MAP2K2: variants seen among roughly 807,000 people sequenced by gnomAD.
The protein encoded by MAP2K2 is dual specificity mitogen-activated protein kinase kinase 2.
In MAP2K2, 24 loss-of-function variants were observed where a neutral mutation model predicts 43.7. The ratio of observed to expected loss-of-function variants is 0.55; its 90% CI spans 0.40 to 0.77. The LOEUF (loss-of-function observed/expected upper bound fraction) is 0.77. MAP2K2 is among the 30% of genes least tolerant of loss of function. The pLI is 0.00. For missense variants in MAP2K2, 470 were observed against 566.8 expected (o/e 0.83, Z 1.73); for synonymous variants, 244 against 239.7 (o/e 1.02, Z -0.17).
intron 10 of MAP2K2, among the ~76,000 whole-genome samples, chr19:4,091,978 G>A (rs1599279075): frequency 6.6e-6 from 1 of 152,192 alleles, no homozygotes; most frequent in East Asian, 1.9e-4. Context: ...AGCCACGTGT[G>A]ACCAGCGGTT....
chr19:4,095,034 A>G (rs764069485), intron 9 of MAP2K2: 11 of 356,094 alleles, frequency 3.1e-5, no homozygotes, highest in Non-Finnish European at 5.3e-5. Flanking sequence ...GGGGCTGGCG[A>G]CCCTCCCAGA....
chr19:4,110,560 G>T lies in MAP2K2; in HGVS notation c.399C>A (p.Phe133Leu). The part of the protein sequence containing the change: ...HECNSPYIVG[F>L]YGAFYSDGEI... ...CCCCGTCACTGTAGAAGGCCCCGTA[G>T]AAGCCCACGATGTACGGCGAGTTGC... The change falls in exon 3 of 11, where the codon TTC (phenylalanine) becomes TTA (leucine). Residue 133 changes from phenylalanine to leucine, a missense_variant. Coordinates refer to ENST00000262948, the MANE Select transcript of MAP2K2 (RefSeq NM_030662.4). 6.2e-7 allele frequency: 1 copy of T among 1,614,032 alleles called. No individual in the cohort carries two copies. Among genetic ancestry groups the T allele is most frequent in the African/African-American group, 1.3e-5 (1 of 75,054 alleles).
intron 1 of MAP2K2, among the ~76,000 whole-genome samples, chr19:4,121,992 T>G (rs1197420095): frequency 6.5e-5 from 5 of 76,526 alleles, no homozygotes; most frequent in Non-Finnish European, 1.1e-4. Flanking sequence ...TCCTCTCCCC[T>G]AAGGGACCCC....
At chr19:4,097,205 T>TTA (rs757553952) in intron 8 of MAP2K2, 74 bp downstream of exon 8, 4 of 572,886 alleles carry the variant, frequency 7.0e-6, no homozygotes, top group Admixed American at 3.9e-5. Flanking sequence ...AGACTCTGCC[T>TTA]AAAAAAAAAA....
intron 2 of MAP2K2, among the ~76,000 whole-genome samples, chr19:4,111,275 A>T (rs2041150748): frequency 6.6e-6 from 1 of 152,234 alleles, no homozygotes; most frequent in South Asian, 2.1e-4. Flanking sequence ...GGACACTGTA[A>T]GGTATGTGAA....
chr19:4,110,431 G>A (rs1255205437), intron 3 of MAP2K2, 78 bp downstream of exon 3: 21 of 1,573,558 alleles, frequency 1.3e-5, no homozygotes, highest in East Asian at 4.5e-5. Context: ...GAAAGGGGCC[G>A]TGAGGGGGTC....
At chr19:4,094,620 A>G in intron 9 of MAP2K2, 122 bp from the exon 10 acceptor site, 4 of 918,270 alleles carry the variant, frequency 4.4e-6, no homozygotes, top group Non-Finnish European at 6.9e-6. Flanking sequence ...CTCTCCGACC[A>G]GAGAGAGTGG....
intron 2 of MAP2K2, among the ~76,000 whole-genome samples, chr19:4,111,847 G>A (rs1034661509): frequency 6.6e-6 from 1 of 152,168 alleles, no homozygotes; most frequent in African/African-American, 2.4e-5. Context: ...CAGCTACTCG[G>A]GAGGCTGAGG....
intron 1 of MAP2K2, 80 bp from the exon 2 acceptor site, chr19:4,117,709 G>C: frequency 8.0e-7 from 1 of 1,246,006 alleles, no homozygotes; most frequent in East Asian, 2.3e-5. Context: ...GTGGTGCATC[G>C]GCCCCCAGGA....
rs1309234276 is a variant in MAP2K2, at chr19:4,099,413, G to A, written c.707C>T (p.Pro236Leu). 5.0e-6 allele frequency: 8 copies of A among 1,599,314 alleles called. No homozygotes were observed. The highest frequency in any genetic ancestry group is 1.3e-5 in the African/African-American group (1 of 74,564). Reference protein sequence around the residue: ...SFVGTRSYMAPERLQGTHYSV... With the variant: ...SFVGTRSYMALERLQGTHYSV... ...GTAATGTGTGCCCTGCAACCGCTCC[G>A]GCTGCAGCAGAGCCAGGGAGGAAAG... Residue 236 changes from proline (P) to leucine (L), a missense_variant and splice_region_variant, in exon 7 of 11, where the codon CCG (proline) becomes CTG (leucine). Pro to Leu is a moderately conservative substitution (Grantham distance 98). This residue lies in a region of MAP2K2 where 200 missense variants were observed against 297.9 expected (regional missense o/e 0.67). Transcript: ENST00000262948.
intron 10 of MAP2K2, among the ~76,000 whole-genome samples, chr19:4,091,916 C>T (rs1599279039): frequency 6.6e-6 from 1 of 152,018 alleles, no homozygotes; most frequent in Non-Finnish European, 1.5e-5. Context: ...CCCAAAGTAC[C>T]GGGATTACAG....
At chr19:4,095,561 C>G in intron 8 of MAP2K2, 112 bp from the exon 9 acceptor site, 1 of 826,260 alleles carries the variant, frequency 1.2e-6, no homozygotes. Context: ...GCAGGCCTGG[C>G]CGACACCACA....
chr19:4,094,145 G>A (rs984759074), intron 10 of MAP2K2, among the ~76,000 whole-genome samples: 1 of 152,172 alleles, frequency 6.6e-6, no homozygotes, highest in African/African-American at 2.4e-5. Flanking sequence ...CTCTCATGAG[G>A]GCAAAGAAGC....
chr19:4,098,026 T>A (rs374690653), intron 7 of MAP2K2, among the ~76,000 whole-genome samples: 39 of 152,126 alleles, frequency 2.6e-4, no homozygotes, highest in African/African-American at 9.4e-4. Context: ...GGCTTGCCAG[T>A]GCTATGAAAA....
chr19:4,121,879 G>C (rs1399257140), intron 1 of MAP2K2, among the ~76,000 whole-genome samples: 20 of 34,178 alleles, frequency 5.9e-4, no homozygotes, highest in East Asian at 9.3e-4. Context: ...ACCCCATCGT[G>C]ACCCCCTAGG....
At chr19:4,103,329 G>C in intron 3 of MAP2K2, 1 of 915,212 alleles carries the variant, frequency 1.1e-6, no homozygotes, top group Non-Finnish European at 1.3e-6. Flanking sequence ...ACAAACCTGG[G>C]GACCAAAACC....
intron 9 of MAP2K2, chr19:4,095,143 G>A (rs547376256): frequency 1.0e-4 from 51 of 505,210 alleles, no homozygotes; most frequent in African/African-American, 6.7e-4. Context: ...TGGGGACACC[G>A]TCATGTGCAC....
chr19:4,108,685 A>C (rs916531879), intron 3 of MAP2K2, among the ~76,000 whole-genome samples: 1 of 151,914 alleles, frequency 6.6e-6, no homozygotes, highest in Non-Finnish European at 1.5e-5. Flanking sequence ...TTTTAAATTC[A>C]CCAAGAATAG....
chr19:4,113,260 G>T (rs1045451012), intron 2 of MAP2K2, among the ~76,000 whole-genome samples: 2 of 152,198 alleles, frequency 1.3e-5, no homozygotes, highest in Admixed American at 1.3e-4. Flanking sequence ...GAAGGCTGTA[G>T]TAAATAGCAG....
Sources: allele counts gnomAD v4.1 joint callset (sites outside exome capture counted in the v4.1 genomes callset), GRCh38; gene constraint gnomAD v4.1.1; regional missense constraint gnomAD v4.1.1; transcripts MANE v1.5; gene names NCBI Gene and HGNC (gene_info 2026-07-23, HGNC 2026-07-21).